The following SOX6 variants were observed in gnomAD, a reference collection of about 807,000 sequenced individuals.
The protein encoded by SOX6 is SRY-box transcription factor 6.
SOX6 carries 11 observed loss-of-function variants against 97.8 expected under a neutral mutation model. That is an observed-to-expected ratio of 0.11 (90% CI 0.07 to 0.19). The LOEUF (loss-of-function observed/expected upper bound fraction) is 0.19. Among genes scored for constraint, SOX6 ranks in the 10% least tolerant of loss-of-function variants. The pLI, the probability that SOX6 is intolerant of heterozygous loss-of-function variation, is 1.00. For missense variants in SOX6, 810 were observed against 1,039.5 expected, an observed-to-expected ratio of 0.78 and a Z score of 3.04; for synonymous variants, 360 against 371.4, an observed-to-expected ratio of 0.97 and a Z score of 0.35.
chr11:16,644,912 A>G (rs1007181412), intron 3 of SOX6, among the ~76,000 whole-genome samples: 2 of 152,252 alleles, frequency 1.3e-5, no homozygotes, highest in African/African-American at 4.8e-5. Context: ...ATGGGGGCAG[A>G]GGAGTATACT....
chr11:16,105,988 T>C (rs533990630), intron 7 of SOX6, among the ~76,000 whole-genome samples: 1 of 152,142 alleles, frequency 6.6e-6, no homozygotes. Flanking sequence ...TAGGGATAAA[T>C]CTAACCAAGG....
chr11:16,529,566 A>G (rs986037968), intron 4 of SOX6, among the ~76,000 whole-genome samples: 9 of 152,074 alleles, frequency 5.9e-5, no homozygotes, highest in Non-Finnish European at 1.0e-4. Context: ...TTTGTCCCCA[A>G]ATGTTGCTAT....
intron 1 of SOX6, among the ~76,000 whole-genome samples, chr11:16,394,239 A>C (rs772454555): frequency 6.6e-6 from 1 of 152,006 alleles, no homozygotes; most frequent in African/African-American, 2.4e-5. Context: ...TAAAATGCAG[A>C]TAAGTAAAAA....
intron 15 of SOX6, among the ~76,000 whole-genome samples, chr11:15,975,167 A>G (rs956713316): frequency 6.6e-6 from 1 of 152,236 alleles, no homozygotes; most frequent in African/African-American, 2.4e-5. Context: ...GGAAGCAGAT[A>G]ATAGAGGAAT....
intron 3 of SOX6, chr11:16,313,393 C>T (rs565306167): frequency 2.6e-5 from 4 of 152,240 alleles, no homozygotes; most frequent in African/African-American, 9.6e-5. Context: ...GTCAATCACA[C>T]AGGCTTGTCT....
At chr11:16,392,351 G>C (rs867014210) in intron 1 of SOX6, among the ~76,000 whole-genome samples, 3 of 151,934 alleles carry the variant, frequency 2.0e-5, no homozygotes, top group Admixed American at 6.6e-5. Context: ...CTATATGCCA[G>C]GCACTGTTCT....
intron 1 of SOX6, among the ~76,000 whole-genome samples, chr11:16,460,029 G>T (rs34742295): frequency 0.17 from 25,159 of 151,590 alleles, 2,108 homozygotes; most frequent in Non-Finnish European, 0.19. Flanking sequence ...TAATCAAATT[G>T]CTTAAAAACA....
At chr11:16,122,006 C>G (rs1052537395) in intron 6 of SOX6, among the ~76,000 whole-genome samples, 6 of 151,894 alleles carry the variant, frequency 4.0e-5, no homozygotes, top group Non-Finnish European at 8.8e-5. Context: ...TTTATTACTC[C>G]TTAAGGATCT....
chr11:16,053,369 G>A (rs1847730645), intron 10 of SOX6, among the ~76,000 whole-genome samples: 1 of 151,944 alleles, frequency 6.6e-6, no homozygotes, highest in South Asian at 2.1e-4. Context: ...AATCCTCTAG[G>A]TGTTTATTTA....
intron 4 of SOX6, among the ~76,000 whole-genome samples, chr11:16,216,269 G>C (rs1852369113): frequency 6.6e-6 from 1 of 152,092 alleles, no homozygotes; most frequent in Non-Finnish European, 1.5e-5. Flanking sequence ...ATGTCTGAAT[G>C]GTAGAAAATA....
chr11:16,253,996 A>C (rs2134203790), intron 3 of SOX6, among the ~76,000 whole-genome samples: 1 of 152,222 alleles, frequency 6.6e-6, no homozygotes, highest in South Asian at 2.1e-4. Flanking sequence ...TGGGTGGAAA[A>C]CACTTAACCT....
At chr11:16,415,394 C>T (rs898157370) in intron 1 of SOX6, among the ~76,000 whole-genome samples, 7 of 150,046 alleles carry the variant, frequency 4.7e-5, no homozygotes, top group Admixed American at 4.0e-4. Flanking sequence ...GGAAAGGTAA[C>T]AGGGAGAAAA....
intron 4 of SOX6, among the ~76,000 whole-genome samples, chr11:16,537,408 ACTT>A (rs1861326341): frequency 6.6e-6 from 1 of 152,082 alleles, no homozygotes; most frequent in African/African-American, 2.4e-5. Context: ...AAACCAGAGC[ACTT>A]CTTCTCCTCC....
chr11:16,241,813 G>A (rs1036376247), intron 3 of SOX6, among the ~76,000 whole-genome samples: 1 of 151,984 alleles, frequency 6.6e-6, no homozygotes, highest in African/African-American at 2.4e-5. Flanking sequence ...CCTGCAATAA[G>A]AGTGAATGAA....
At chr11:16,293,703 C>A (rs1155685) in intron 3 of SOX6, among the ~76,000 whole-genome samples, 118,706 of 152,000 alleles carry the variant, frequency 0.78, 46,487 homozygotes, top group Non-Finnish European at 0.8. Flanking sequence ...TTTTACAGGT[C>A]TAAGCACAGT....
At chr11:16,628,990 C>T (rs546162173) in intron 3 of SOX6, among the ~76,000 whole-genome samples, 13 of 152,270 alleles carry the variant, frequency 8.5e-5, no homozygotes, top group African/African-American at 3.1e-4. Flanking sequence ...GTTCCAAGAG[C>T]CTTTTGCCAG....
rs35442853 is a variant in SOX6, at chr11:16,187,542, A to AT, written c.536-588dup. Among the ~76,000 whole-genome samples the AT allele has an allele frequency of 8.3e-3, 1,222 of 148,108 alleles. 16 individuals are homozygous for AT. The highest frequency in any genetic ancestry group is 0.028 in the African/African-American group (1,118 of 40,604). On this transcript the variant is annotated intron_variant, in intron 4 of 15. Transcript: ENST00000683767. ...CTCAGGTGAGAAAAGATTGAATGTG[A>AT]TTTTTTTTTTTCCTGAGAAAGGATC... is the stretch of plus-strand genomic sequence containing the variant.
At chr11:16,721,573 TCCCTCC>T (rs1848265470) in intron 2 of SOX6, among the ~76,000 whole-genome samples, 1 of 11,228 alleles carries the variant, frequency 8.9e-5, no homozygotes, top group South Asian at 6.3e-3. Context: ...CCTCCCTCCC[TCCCTCC>T]CTCTCTCTCT....
At chr11:16,540,105 G>T (rs188026632) in intron 4 of SOX6, among the ~76,000 whole-genome samples, 1 of 152,034 alleles carries the variant, frequency 6.6e-6, no homozygotes, top group African/African-American at 2.4e-5. Flanking sequence ...AGCAGCACAT[G>T]AAAAAGCTTA....
Sources: gnomAD v4.1 joint callset for allele counts (sites outside exome capture counted in the v4.1 genomes callset) on GRCh38, gnomAD v4.1.1 for gene constraint, MANE v1.5 for transcripts, NCBI Gene and HGNC (gene_info 2026-07-23, HGNC 2026-07-21) for gene names.